Variants in ST6GALNAC5 observed in about 807,000 individuals in gnomAD.
ST6GALNAC5 encodes alpha-N-acetylgalactosaminide alpha-2,6-sialyltransferase 5.
ST6GALNAC5 carries 27 observed loss-of-function variants against 33.6 expected under a neutral mutation model. The observed-to-expected ratio is 0.80, with a 90% CI of 0.59 to 1.11. ST6GALNAC5 has a LOEUF of 1.11. Ranked by LOEUF, ST6GALNAC5 falls within the 50% of genes least tolerant of loss-of-function variation. The pLI, the probability that ST6GALNAC5 is intolerant of heterozygous loss-of-function variation, is 0.00. For synonymous variants in ST6GALNAC5, 194 were observed against 171.2 expected (o/e 1.13, Z -1.04); for missense variants, 428 against 454.0 (o/e 0.94, Z 0.52).
intron 2 of ST6GALNAC5, among the ~76,000 whole-genome samples, chr1:76,913,324 C>T (rs1252583): frequency 0.075 from 11,337 of 150,810 alleles, 1,105 homozygotes; most frequent in African/African-American, 0.22. Context: ...GTGGGTAACC[C>T]GACCTTTCTC....
At chr1:76,882,928 C>A (rs1328359196) in intron 2 of ST6GALNAC5, among the ~76,000 whole-genome samples, 1 of 152,094 alleles carries the variant, frequency 6.6e-6, no homozygotes, top group Non-Finnish European at 1.5e-5. Flanking sequence ...GATACCGCTG[C>A]CCTCAGCCTA....
At chr1:77,047,881 A>C (rs1652069170) in intron 3 of ST6GALNAC5, among the ~76,000 whole-genome samples, 1 of 152,206 alleles carries the variant, frequency 6.6e-6, no homozygotes, top group South Asian at 2.1e-4. Flanking sequence ...AATTTTCCCT[A>C]AAAAGCACAT....
chr1:76,872,927 T>C (rs1653543641), intron 2 of ST6GALNAC5, among the ~76,000 whole-genome samples: 1 of 152,180 alleles, frequency 6.6e-6, no homozygotes, highest in African/African-American at 2.4e-5. Flanking sequence ...AATAATGTAG[T>C]CACTTTTAAC....
At chr1:77,054,367 T>G (rs986064789) in intron 4 of ST6GALNAC5, among the ~76,000 whole-genome samples, 3 of 152,196 alleles carry the variant, frequency 2.0e-5, no homozygotes, top group African/African-American at 7.2e-5. Flanking sequence ...ACAGGAATAT[T>G]GGACCCTTCC....
intron 2 of ST6GALNAC5, among the ~76,000 whole-genome samples, chr1:77,008,772 C>T (rs1172036672): frequency 6.6e-6 from 1 of 152,116 alleles, no homozygotes; most frequent in East Asian, 1.9e-4. Context: ...TCAGATGATC[C>T]ACCCGCCTCA....
intron 2 of ST6GALNAC5, among the ~76,000 whole-genome samples, chr1:76,894,252 T>C (rs1442141288): frequency 6.6e-6 from 1 of 152,210 alleles, no homozygotes; most frequent in African/African-American, 2.4e-5. Context: ...TTGCCTTGAA[T>C]CTACTTTGGA....
At chr1:77,026,634 C>G (rs1372770391) in intron 2 of ST6GALNAC5, among the ~76,000 whole-genome samples, 2 of 152,194 alleles carry the variant, frequency 1.3e-5, no homozygotes, top group East Asian at 1.9e-4. Flanking sequence ...AGGTGTCAAC[C>G]ACTGCACATG....
chr1:76,906,158 T>C (rs367877415), intron 2 of ST6GALNAC5, among the ~76,000 whole-genome samples: 2 of 152,178 alleles, frequency 1.3e-5, no homozygotes, highest in Non-Finnish European at 2.9e-5. Flanking sequence ...TTTCAAGTAA[T>C]GTTTTTTAAA....
At chr1:76,988,340 T>C (rs1331460321) in intron 2 of ST6GALNAC5, among the ~76,000 whole-genome samples, 3 of 152,114 alleles carry the variant, frequency 2.0e-5, no homozygotes, top group Non-Finnish European at 2.9e-5. Context: ...AATTAAATTA[T>C]TCACTCTATG....
intron 2 of ST6GALNAC5, among the ~76,000 whole-genome samples, chr1:77,032,507 G>A (rs1306826963): frequency 3.3e-5 from 5 of 152,152 alleles, no homozygotes; most frequent in African/African-American, 1.2e-4. Context: ...GGCTGGATAT[G>A]AGGGGAGAGG....
At position 77,056,272 on chromosome 1, in the gene ST6GALNAC5, T is replaced by A. The variant is rs112151514; in HGVS notation, c.779+5907T>A. Among the ~76,000 whole-genome samples the A allele has an allele frequency of 3.7e-3, 557 of 152,340 alleles. 1 individual carries two copies. The highest frequency in any genetic ancestry group is 0.013 in the African/African-American group (531 of 41,576). On this transcript the variant is annotated intron_variant, in intron 4 of 4. Transcript: ENST00000477717. ...ATGGCCTATAAATTGCGTGAAAAGATCTGTTGTCGTTGCTTTCCAAACTAA... is the reference window on the plus strand; with the variant it reads ...ATGGCCTATAAATTGCGTGAAAAGAACTGTTGTCGTTGCTTTCCAAACTAA...
At chr1:76,947,721 C>A (rs533708401) in intron 2 of ST6GALNAC5, among the ~76,000 whole-genome samples, 1 of 151,948 alleles carries the variant, frequency 6.6e-6, no homozygotes, top group South Asian at 2.1e-4. Flanking sequence ...ATTCTAGCCT[C>A]GGTGACAGAG....
At chr1:76,957,885 G>A (rs1326612770) in intron 2 of ST6GALNAC5, among the ~76,000 whole-genome samples, 1 of 151,790 alleles carries the variant, frequency 6.6e-6, no homozygotes, top group African/African-American at 2.4e-5. Flanking sequence ...ATCAAACATT[G>A]CACTTATTTA....
chr1:76,955,766 A>T (rs1647933052), intron 2 of ST6GALNAC5, among the ~76,000 whole-genome samples: 1 of 152,154 alleles, frequency 6.6e-6, no homozygotes, highest in Non-Finnish European at 1.5e-5. Context: ...ACTCAATCTG[A>T]GTCTTTTTCA....
intron 2 of ST6GALNAC5, among the ~76,000 whole-genome samples, chr1:77,039,773 T>C (rs868135618): frequency 5.9e-5 from 9 of 152,262 alleles, no homozygotes; most frequent in Middle Eastern, 6.8e-3. Flanking sequence ...TTCCAAAGAA[T>C]CGGGGAGGCT....
intron 2 of ST6GALNAC5, among the ~76,000 whole-genome samples, chr1:76,895,353 G>T (rs1388141686): frequency 2.6e-5 from 4 of 152,162 alleles, no homozygotes; most frequent in Non-Finnish European, 5.9e-5. Context: ...GTGGGATTAG[G>T]GGCGGCGTGG....
intron 2 of ST6GALNAC5, among the ~76,000 whole-genome samples, chr1:76,883,547 T>C (rs1011992090): frequency 2.6e-5 from 4 of 152,200 alleles, no homozygotes; most frequent in Non-Finnish European, 5.9e-5. Context: ...CATCTTTAAT[T>C]TCTGTTTCCC....
chr1:76,875,156 C>A (rs1163150888), intron 2 of ST6GALNAC5, among the ~76,000 whole-genome samples: 1 of 152,190 alleles, frequency 6.6e-6, no homozygotes. Context: ...GTTTCTGCAG[C>A]TGCTCAAGTA....
rs184381334 is a variant in ST6GALNAC5, at chr1:76,891,092, G to A, written c.261+22350G>A. On this transcript the variant is annotated intron_variant, in intron 2 of 4. Coordinates refer to ENST00000477717, the MANE Select transcript of ST6GALNAC5 (RefSeq NM_030965.3). ...GGACACATGTTTTCACTTCTCTTGG[G>A]TATATACCTAGGAGTAGAATTGCTG... Among the ~76,000 whole-genome samples, 525 of 152,110 alleles carry A rather than the reference G, an allele frequency of 3.5e-3. 2 individuals carry two copies. The highest frequency in any genetic ancestry group is 0.012 in the African/African-American group (511 of 41,494).
Sources: gnomAD v4.1 joint callset for allele counts (sites outside exome capture counted in the v4.1 genomes callset) on GRCh38, gnomAD v4.1.1 for gene constraint, MANE v1.5 for transcripts, NCBI Gene and HGNC (gene_info 2026-07-23, HGNC 2026-07-21) for gene names.